OLFM3: variants seen among roughly 807,000 people sequenced by gnomAD.
OLFM3 encodes olfactomedin 3.
OLFM3 carries 20 observed loss-of-function variants against 48.6 expected under a neutral mutation model. The observed-to-expected ratio is 0.41, with a 90% CI of 0.29 to 0.60. The LOEUF (loss-of-function observed/expected upper bound fraction) is 0.60, where lower values mean the gene tolerates loss of function less well. Ranked by LOEUF, OLFM3 falls within the 20% of genes least tolerant of loss-of-function variation. OLFM3 has a pLI of 0.28. For missense variants in OLFM3, 437 were observed against 544.3 expected (o/e 0.80, Z 1.96); for synonymous variants, 222 against 198.1 (o/e 1.12, Z -1.01).
intron 1 of OLFM3, among the ~76,000 whole-genome samples, chr1:101,858,819 T>C (rs1239317858): frequency 1.3e-5 from 2 of 152,096 alleles, no homozygotes; most frequent in East Asian, 3.8e-4. Flanking sequence ...TGAAGAACTG[T>C]GAGTCAATTA....
intron 3 of OLFM3, 141 bp downstream of exon 3, chr1:101,830,531 A>C (rs1266619167): frequency 3.6e-6 from 3 of 840,660 alleles, no homozygotes; most frequent in Non-Finnish European, 5.8e-6. Flanking sequence ...GTTTCAGTGG[A>C]GAGATGACTG....
intron 1 of OLFM3, among the ~76,000 whole-genome samples, chr1:101,973,138 A>G (rs1660855590): frequency 6.6e-6 from 1 of 152,264 alleles, no homozygotes; most frequent in East Asian, 1.9e-4. Context: ...GTGATTGTTT[A>G]TGGGAACTGG....
intron 3 of OLFM3, among the ~76,000 whole-genome samples, chr1:101,829,740 C>A (rs1465320057): frequency 6.6e-6 from 1 of 152,258 alleles, no homozygotes; most frequent in Non-Finnish European, 1.5e-5. Context: ...AAGTGGGCAA[C>A]CACAGTGTTT....
At chr1:101,943,475 A>G (rs1354011157) in intron 1 of OLFM3, among the ~76,000 whole-genome samples, 4 of 152,202 alleles carry the variant, frequency 2.6e-5, no homozygotes, top group Non-Finnish European at 5.9e-5. Flanking sequence ...ATATGCAAAT[A>G]TCAATTGAGT....
At chr1:101,852,314 T>C (rs1656253269) in intron 1 of OLFM3, among the ~76,000 whole-genome samples, 1 of 152,100 alleles carries the variant, frequency 6.6e-6, no homozygotes. Context: ...ACTGCTTTCA[T>C]CAGGCTACCA....
chr1:101,963,087 G>A lies in OLFM3; in HGVS notation c.69+33661C>T, dbSNP rs538883202. ...ATGTGCAGAATGGAGCTCCTTTCTC[G>A]CACTGGACACCTGGCACCACACCTT... is the stretch of plus-strand genomic sequence containing the variant. On this transcript the variant is annotated intron_variant, in intron 1 of 5. Transcript: ENST00000370103. Among the ~76,000 whole-genome samples the A allele has an allele frequency of 4.6e-5, 7 of 152,200 alleles. No individual in the cohort carries two copies. In the South Asian group the frequency reaches 1.2e-3, roughly 27 times the overall value.
chr1:101,921,437 C>T (rs956012870), intron 1 of OLFM3, among the ~76,000 whole-genome samples: 3 of 152,168 alleles, frequency 2.0e-5, no homozygotes, highest in Non-Finnish European at 1.5e-5. Context: ...ACATAAAGCT[C>T]TTCTGGGCTA....
intron 1 of OLFM3, among the ~76,000 whole-genome samples, chr1:101,932,712 G>A (rs1659480975): frequency 6.6e-6 from 1 of 152,154 alleles, no homozygotes; most frequent in Admixed American, 6.5e-5. Flanking sequence ...AGATGACAAA[G>A]AACCAGCATA....
intron 4 of OLFM3, among the ~76,000 whole-genome samples, chr1:101,819,945 A>G (rs1654530646): frequency 6.6e-6 from 1 of 152,088 alleles, no homozygotes; most frequent in Non-Finnish European, 1.5e-5. Flanking sequence ...CTTGTCAAGC[A>G]GTAGGCATCC....
At position 101,804,403 on chromosome 1, in the gene OLFM3, G is replaced by A; in HGVS notation, c.1212C>T (p.Thr404=). ...GAATGTCTGTGTACTCATATGTGGAGGTTTTGGTGGAATAGGAATAATACA... is the reference window on the plus strand; with the variant it reads ...GAATGTCTGTGTACTCATATGTGGAAGTTTTGGTGGAATAGGAATAATACA... ...AKVYYSYSTK[T]STYEYTDIPF... The change falls in exon 6 of 6, where the codon ACC becomes ACT. Residue 404 remains threonine, a synonymous_variant. Transcript: ENST00000370103. This position sits in a 1 kb window ranked among gnomAD's most constrained non-coding sequence, Gnocchi z 4.5. 2 of 1,612,534 alleles carry A rather than the reference G, an allele frequency of 1.2e-6. No individual in the cohort carries two copies. The highest frequency in any genetic ancestry group is 1.7e-6 in the Non-Finnish European group (2 of 1,178,986).
chr1:101,944,573 C>T (rs1393890939), intron 1 of OLFM3, among the ~76,000 whole-genome samples: 1 of 152,094 alleles, frequency 6.6e-6, no homozygotes. Flanking sequence ...CTGAGACATT[C>T]AACCTGCCAT....
At chr1:101,861,168 T>C (rs1331138293) in intron 1 of OLFM3, among the ~76,000 whole-genome samples, 2 of 152,094 alleles carry the variant, frequency 1.3e-5, no homozygotes, top group African/African-American at 4.8e-5. Flanking sequence ...TTCAAGCGAT[T>C]CTCCTGCCTT....
At position 101,974,796 on chromosome 1, in the gene OLFM3, A is replaced by T. The variant is rs187178187; in HGVS notation, c.69+21952T>A. Among the ~76,000 whole-genome samples, 169 of 152,218 alleles carry T rather than the reference A, an allele frequency of 1.1e-3. 1 individual carries two copies. Among genetic ancestry groups the T allele is most frequent in the African/African-American group, 3.8e-3 (159 of 41,528 alleles). On this transcript the variant is annotated intron_variant, in intron 1 of 5. Transcript: ENST00000370103. The stretch of plus-strand genomic sequence containing the variant: ...CTTTTTTGTTTGGTCCTGGGTTCAC[A>T]ACTACAGTATAAGCCCCATGTAGTA...
intron 1 of OLFM3, among the ~76,000 whole-genome samples, chr1:101,986,190 C>A (rs560557398): frequency 3.2e-4 from 48 of 151,640 alleles, no homozygotes; most frequent in African/African-American, 1.2e-3. Flanking sequence ...TGGTCTCGAT[C>A]CCTGACCTCG....
chr1:101,924,356 AG>A (rs1278683122), intron 1 of OLFM3, among the ~76,000 whole-genome samples: 1 of 152,198 alleles, frequency 6.6e-6, no homozygotes, highest in African/African-American at 2.4e-5. Context: ...CTTGATTCTA[AG>A]AATTCAAGTA....
intron 4 of OLFM3, among the ~76,000 whole-genome samples, chr1:101,814,983 G>A (rs970068362): frequency 1.3e-5 from 2 of 152,188 alleles, no homozygotes; most frequent in Non-Finnish European, 2.9e-5. Flanking sequence ...GACGAGATTG[G>A]AGAGATGAGT....
chr1:101,907,630 G>C (rs1182188385), intron 1 of OLFM3, among the ~76,000 whole-genome samples: 1 of 152,202 alleles, frequency 6.6e-6, no homozygotes. Context: ...TCATTTTAAA[G>C]TTTTCAACAT....
Position 101,804,026 on chromosome 1 carries a change from T to G in OLFM3, c.*212A>C. On this transcript the variant is annotated 3_prime_UTR_variant, in exon 6 of 6. Coordinates refer to ENST00000370103, the MANE Select transcript of OLFM3 (RefSeq NM_058170.4). The surrounding 1 kb of genome is among the most constrained non-coding windows in gnomAD (Gnocchi z 4.5). The stretch of plus-strand genomic sequence containing the variant: ...TTTAGTGCTTTTCATGACAAGGACA[T>G]GATAGGCCTTGTAAATTTAGAAGTT... The G allele has an allele frequency of 4.8e-6, 2 of 418,038 alleles. No homozygotes were observed. Among genetic ancestry groups the G allele is most frequent in the Non-Finnish European group, 8.5e-6 (2 of 236,142 alleles). 25.9% of individuals were successfully genotyped at this position (418,038 alleles called of 1,614,324 possible).
At chr1:101,859,068 T>C (rs1220332941) in intron 1 of OLFM3, among the ~76,000 whole-genome samples, 2 of 151,930 alleles carry the variant, frequency 1.3e-5, no homozygotes, top group African/African-American at 2.4e-5. Flanking sequence ...AAAGATCCCA[T>C]GTTATTTAGG....
Sources: allele counts gnomAD v4.1 joint callset (sites outside exome capture counted in the v4.1 genomes callset), GRCh38; gene constraint gnomAD v4.1.1; non-coding constraint Gnocchi (gnomAD v3.1); transcripts MANE v1.5; gene names NCBI Gene and HGNC (gene_info 2026-07-23, HGNC 2026-07-21).